Variants in NEK11 observed in about 807,000 individuals in gnomAD.
NEK11 encodes the protein serine/threonine-protein kinase Nek11.
Under a neutral mutation model 80.7 loss-of-function variants are expected in NEK11, and 72 were observed. The ratio of observed to expected loss-of-function variants is 0.89; its 90% CI spans 0.74 to 1.08. The LOEUF (loss-of-function observed/expected upper bound fraction) is 1.08, where lower values mean the gene tolerates loss of function less well. Ranked by LOEUF, NEK11 falls within the 50% of genes least tolerant of loss-of-function variation. The pLI, the probability that NEK11 is intolerant of heterozygous loss-of-function variation, is 0.00. For synonymous variants in NEK11, 251 were observed against 260.7 expected (o/e 0.96, Z 0.36); for missense variants, 764 against 763.6 (o/e 1.00, Z -0.01).
At chr3:131,050,817 C>T (rs956020437) in intron 3 of NEK11, among the ~76,000 whole-genome samples, 2 of 152,084 alleles carry the variant, frequency 1.3e-5, no homozygotes, top group Non-Finnish European at 1.5e-5. Context: ...TCGCTTGAAC[C>T]CAGGAATTCC....
intron 14 of NEK11, among the ~76,000 whole-genome samples, chr3:131,208,441 A>G (rs1215982955): frequency 6.6e-6 from 1 of 152,228 alleles, no homozygotes; most frequent in East Asian, 1.9e-4. Flanking sequence ...TGTCTTAGCA[A>G]TGTGGGCTCT....
intron 15 of NEK11, among the ~76,000 whole-genome samples, chr3:131,229,043 A>G (rs1254169051): frequency 6.6e-6 from 1 of 152,182 alleles, no homozygotes; most frequent in African/African-American, 2.4e-5. Flanking sequence ...CTTTTTATAT[A>G]CTTTTCTGTC....
At chr3:131,119,775 A>G (rs749610730) in intron 5 of NEK11, among the ~76,000 whole-genome samples, 1 of 151,860 alleles carries the variant, frequency 6.6e-6, no homozygotes, top group Non-Finnish European at 1.5e-5. Context: ...CTGTTTTATC[A>G]GAGACTAGGA....
intron 6 of NEK11, 54 bp from the exon 7 acceptor site, chr3:131,133,775 AG>A: frequency 6.8e-7 from 1 of 1,475,202 alleles, no homozygotes; most frequent in Non-Finnish European, 9.4e-7. Context: ...GTTAATTTCC[AG>A]GGCTAATTTT....
intron 6 of NEK11, chr3:131,133,140 TG>T (rs552645890): frequency 2.2e-4 from 84 of 388,200 alleles, no homozygotes; most frequent in African/African-American, 1.5e-3. Flanking sequence ...ATCATTTTAC[TG>T]GTTTGATTAG....
intron 14 of NEK11, among the ~76,000 whole-genome samples, chr3:131,199,789 T>C (rs983782430): frequency 6.6e-6 from 1 of 152,142 alleles, no homozygotes; most frequent in Non-Finnish European, 1.5e-5. Flanking sequence ...ATAAAGCTTA[T>C]ATACCACTAA....
intron 16 of NEK11, among the ~76,000 whole-genome samples, chr3:131,263,840 A>C (rs1202303915): frequency 6.6e-6 from 1 of 151,974 alleles, no homozygotes; most frequent in Non-Finnish European, 1.5e-5. Flanking sequence ...AACAGTGTAA[A>C]AGTCCCTATT....
At chr3:131,210,899 C>T (rs2094590339) in intron 14 of NEK11, among the ~76,000 whole-genome samples, 1 of 152,200 alleles carries the variant, frequency 6.6e-6, no homozygotes, top group South Asian at 2.1e-4. Flanking sequence ...CTGAATACAG[C>T]ACACTGATGG....
chr3:131,043,103 C>T (rs891621934), intron 3 of NEK11, among the ~76,000 whole-genome samples: 3 of 152,122 alleles, frequency 2.0e-5, no homozygotes, highest in Non-Finnish European at 4.4e-5. Context: ...AAAACTTCAT[C>T]CAAAGGTCAC....
At chr3:131,094,655 A>G (rs2077184645) in intron 4 of NEK11, among the ~76,000 whole-genome samples, 1 of 152,212 alleles carries the variant, frequency 6.6e-6, no homozygotes. Context: ...AGCTACTGTT[A>G]TATCAGCAAC....
At chr3:131,067,719 G>C (rs1263216842) in intron 3 of NEK11, among the ~76,000 whole-genome samples, 1 of 152,130 alleles carries the variant, frequency 6.6e-6, no homozygotes, top group Non-Finnish European at 1.5e-5. Context: ...CAAATTGTCT[G>C]TGAAATGAGG....
rs561564489 is a variant in NEK11, at chr3:131,252,065, C to G, written c.1621+8569C>G. The stretch of plus-strand genomic sequence containing the variant: ...CCAGGTAGCTTGTGTCTGCTTTGTT[C>G]CTATTACATTTTTGGGAGGCCCACT... On this transcript the variant is annotated intron_variant, in intron 16 of 17. Transcript: ENST00000383366. 3.0e-4 allele frequency among the ~76,000 whole-genome samples: 45 copies of G among 152,164 alleles called. No individual in the cohort carries two copies. In the South Asian group the frequency reaches 6.4e-3, roughly 22 times the overall value.
At chr3:131,088,408 A>C (rs2076293998) in intron 4 of NEK11, among the ~76,000 whole-genome samples, 1 of 152,252 alleles carries the variant, frequency 6.6e-6, no homozygotes, top group South Asian at 2.1e-4. Flanking sequence ...TAAATCTAAC[A>C]ATTGAAAAGC....
chr3:131,089,083 G>A (rs747780362), intron 4 of NEK11, among the ~76,000 whole-genome samples: 1 of 152,144 alleles, frequency 6.6e-6, no homozygotes, highest in Admixed American at 6.5e-5. Context: ...CTTTGGAGTT[G>A]TTCAAATTTT....
chr3:131,215,792 C>T (rs1221735416), intron 14 of NEK11, among the ~76,000 whole-genome samples: 1 of 152,104 alleles, frequency 6.6e-6, no homozygotes, highest in African/African-American at 2.4e-5. Context: ...AGATGGTGTG[C>T]TGGCCAGGAG....
At chr3:131,144,493 A>G (rs2087704935) in intron 7 of NEK11, among the ~76,000 whole-genome samples, 1 of 152,136 alleles carries the variant, frequency 6.6e-6, no homozygotes, top group Admixed American at 6.6e-5. Context: ...TGATTCCTAT[A>G]TGGAAATGTC....
intron 14 of NEK11, chr3:131,174,765 A>G: frequency 6.2e-7 from 1 of 1,609,312 alleles, no homozygotes. Context: ...TTTATTTTTT[A>G]GCAACTCACA....
intron 16 of NEK11, among the ~76,000 whole-genome samples, chr3:131,256,115 G>A (rs943197002): frequency 6.6e-6 from 1 of 152,150 alleles, no homozygotes; most frequent in Admixed American, 6.6e-5. Context: ...AAATTAGATA[G>A]GAGGAGTAAA....
At chr3:131,134,387 T>C (rs1001238955) in intron 7 of NEK11, 2 of 150,100 alleles carry the variant, frequency 1.3e-5, no homozygotes, top group African/African-American at 5.0e-5. Flanking sequence ...ACTAAAGATA[T>C]TGGCTTTAAG....
Sources: allele counts gnomAD v4.1 joint callset (sites outside exome capture counted in the v4.1 genomes callset), GRCh38; gene constraint gnomAD v4.1.1; transcripts MANE v1.5; gene names NCBI Gene and HGNC (gene_info 2026-07-23, HGNC 2026-07-21).